PCDHGB1: variants seen among roughly 807,000 people sequenced by gnomAD.
PCDHGB1 encodes the protein protocadherin gamma subfamily B, 1, also known as protocadherin gamma-B1.
Under a neutral mutation model 56.6 loss-of-function variants are expected in PCDHGB1, and 34 were observed. The observed-to-expected ratio is 0.60, with a 90% CI of 0.46 to 0.80. PCDHGB1 has a LOEUF of 0.80. PCDHGB1 is among the 30% of genes least tolerant of loss of function. PCDHGB1 has a pLI of 0.00. For missense variants in PCDHGB1, 1,278 were observed against 1,204.6 expected, an observed-to-expected ratio of 1.06 and a Z score of -0.90; for synonymous variants, 561 against 505.9, an observed-to-expected ratio of 1.11 and a Z score of -1.46.
At chr5:141,414,678 G>A (rs1276367800) in intron 1 of PCDHGB1, 14 of 1,613,856 alleles carry the variant, frequency 8.7e-6, no homozygotes, top group African/African-American at 1.3e-5. Context: ...ACACCATCCA[G>A]GGGGTACCTC....
chr5:141,444,043 T>C (rs542828018), intron 1 of PCDHGB1, among the ~76,000 whole-genome samples: 1 of 151,820 alleles, frequency 6.6e-6, no homozygotes, highest in African/African-American at 2.4e-5. Context: ...AATCAGATAA[T>C]TTGGCATCTT....
At chr5:141,363,943 T>C (rs1763121140) in intron 1 of PCDHGB1, among the ~76,000 whole-genome samples, 1 of 152,216 alleles carries the variant, frequency 6.6e-6, no homozygotes, top group African/African-American at 2.4e-5. Context: ...AATAATCATA[T>C]TGATCTCAGG....
intron 2 of PCDHGB1, among the ~76,000 whole-genome samples, chr5:141,495,128 G>T (rs1408872159): frequency 2.6e-5 from 4 of 152,160 alleles, no homozygotes; most frequent in African/African-American, 9.7e-5. Flanking sequence ...TCCCCTGAGG[G>T]CACTGTGGAA....
chr5:141,410,119 C>T (rs1306210256), intron 1 of PCDHGB1: 2 of 1,612,822 alleles, frequency 1.2e-6, no homozygotes, highest in Middle Eastern at 1.7e-4. Flanking sequence ...ACGCAGCCCG[C>T]CAGCGCCTGC....
At chr5:141,467,050 G>T (rs6580189) in intron 1 of PCDHGB1, among the ~76,000 whole-genome samples, 42,616 of 146,752 alleles carry the variant, frequency 0.29, 6,868 homozygotes, top group African/African-American at 0.45. Flanking sequence ...ATGAATCAAT[G>T]TTTTCTTTTT....
intron 1 of PCDHGB1, chr5:141,366,989 A>G (rs546484165): frequency 2.1e-6 from 1 of 480,916 alleles, no homozygotes; most frequent in African/African-American, 2.0e-5. Flanking sequence ...GAAAGTGGTT[A>G]AATATAATCA....
At position 141,355,712 on chromosome 5, in the gene PCDHGB1, A is replaced by G. The variant is rs1759947132; in HGVS notation, c.2409+3043A>G. 13 of 1,613,928 alleles carry G rather than the reference A, an allele frequency of 8.1e-6. No individual in the cohort carries two copies. In the East Asian group the frequency reaches 2.7e-4, roughly 33 times the overall value. ...GGTGTAAACTCCCTGCAGGGTTACC[A>G]GCTCAACTCAAACGGTTACTTTTCC... is the stretch of plus-strand genomic sequence containing the variant. On this transcript the variant is annotated intron_variant, in intron 1 of 3. Coordinates refer to ENST00000523390, the MANE Select transcript of PCDHGB1 (RefSeq NM_018922.3).
intron 1 of PCDHGB1, among the ~76,000 whole-genome samples, chr5:141,382,280 A>G (rs1218087661): frequency 6.6e-6 from 1 of 152,232 alleles, no homozygotes; most frequent in African/African-American, 2.4e-5. Context: ...TATGTGTTCA[A>G]TTAATACTGA....
intron 1 of PCDHGB1, among the ~76,000 whole-genome samples, chr5:141,381,853 G>A (rs1391897608): frequency 1.4e-5 from 1 of 72,944 alleles, no homozygotes; most frequent in Non-Finnish European, 2.5e-5. Flanking sequence ...TTTTTTGGCA[G>A]AGTTTTGCTC....
rs571977774 is a variant in PCDHGB1 at position 141,375,523 on chromosome 5, C to G, written c.2409+22854C>G. ...TCTCTGTGAATGCACTGGACCCTGA[C>G]GTGGACCAGAACGCCCAAGTCTCCT... On this transcript the variant is annotated intron_variant, in intron 1 of 3. Coordinates refer to ENST00000523390, the MANE Select transcript of PCDHGB1 (RefSeq NM_018922.3). The G allele has an allele frequency of 1.6e-4, 253 of 1,614,032 alleles. 3 individuals are homozygous for G. The Admixed American group carries it at 4.2e-3, about 27-fold the overall frequency.
intron 1 of PCDHGB1, among the ~76,000 whole-genome samples, chr5:141,386,669 A>T (rs774102519): frequency 4.6e-5 from 7 of 152,086 alleles, no homozygotes; most frequent in Admixed American, 1.3e-4. Flanking sequence ...CAGTGTTCAC[A>T]TTTCAGATGT....
In PCDHGB1 at chr5:141,403,683, A is replaced by G. The variant is rs757429628; in HGVS notation, c.2409+51014A>G. 2.5e-6 allele frequency: 4 copies of G among 1,613,804 alleles called. No individual in the cohort carries two copies. The highest frequency in any genetic ancestry group is 1.7e-6 in the Non-Finnish European group (2 of 1,179,888). ...AATGATAATGCCCCGGTTTTTGCTC[A>G]ACGGATTTACCGAGTTAAAGTCCTT... On this transcript the variant is annotated intron_variant, in intron 1 of 3. Transcript: ENST00000523390.
chr5:141,474,105 C>A (rs1292743515), intron 1 of PCDHGB1, among the ~76,000 whole-genome samples: 1 of 152,036 alleles, frequency 6.6e-6, no homozygotes, highest in African/African-American at 2.4e-5. Flanking sequence ...ACAACAAAAA[C>A]AACAACAACG....
At chr5:141,356,719 A>G (rs373889341) in intron 1 of PCDHGB1, 4 of 1,613,854 alleles carry the variant, frequency 2.5e-6, no homozygotes, top group Non-Finnish European at 3.4e-6. Context: ...CTATGTCTCC[A>G]TCAACTCCAA....
chr5:141,398,668 A>G, intron 1 of PCDHGB1: 1 of 1,614,026 alleles, frequency 6.2e-7, no homozygotes, highest in Non-Finnish European at 8.5e-7. Context: ...TTTCTCATTA[A>G]TAATTAAGGA....
At position 141,362,582 on chromosome 5, in the gene PCDHGB1, C is replaced by T. The variant is rs1227713684; in HGVS notation, c.2409+9913C>T. 3 of 1,600,324 alleles carry T rather than the reference C, an allele frequency of 1.9e-6. No individual in the cohort carries two copies. In the African/African-American group the frequency reaches 4.0e-5, roughly 22 times the overall value. On this transcript the variant is annotated intron_variant, in intron 1 of 3. Transcript: ENST00000523390. ...GTGAGCTTTAATTAATTTATTTTCA[C>T]TTCTGGTTTTATTGTTTCACCTAAT... is the stretch of plus-strand genomic sequence containing the variant.
chr5:141,383,995 A>G, intron 1 of PCDHGB1: 1 of 1,613,890 alleles, frequency 6.2e-7, no homozygotes, highest in East Asian at 2.2e-5. Context: ...TGGGACAGTC[A>G]TTGCTCTTTT....
At chr5:141,479,242 A>G (rs2099491093) in intron 1 of PCDHGB1, 1 of 152,320 alleles carries the variant, frequency 6.6e-6, no homozygotes, top group African/African-American at 2.4e-5. Context: ...AAACCCAAAG[A>G]TAACCATTTT....
chr5:141,475,424 T>C (rs2099363271), intron 1 of PCDHGB1, among the ~76,000 whole-genome samples: 1 of 152,244 alleles, frequency 6.6e-6, no homozygotes, highest in African/African-American at 2.4e-5. Context: ...CTCCTGCTAA[T>C]TTGATAGTAG....
Sources: allele counts gnomAD v4.1 joint callset (sites outside exome capture counted in the v4.1 genomes callset), GRCh38; gene constraint gnomAD v4.1.1; transcripts MANE v1.5; gene names NCBI Gene and HGNC (gene_info 2026-07-23, HGNC 2026-07-21).